Variants in PGLYRP2 observed in about 807,000 individuals in gnomAD.
The protein encoded by PGLYRP2 is peptidoglycan recognition protein 2.
In PGLYRP2, 38 loss-of-function variants were observed where a neutral mutation model predicts 46.2. The ratio of observed to expected loss-of-function variants is 0.82; its 90% CI spans 0.64 to 1.08. The LOEUF (loss-of-function observed/expected upper bound fraction) is 1.08, where lower values mean the gene tolerates loss of function less well. PGLYRP2 is among the 50% of genes least tolerant of loss of function. The pLI is 0.00. For synonymous variants in PGLYRP2, 289 were observed against 329.4 expected, an observed-to-expected ratio of 0.88 and a Z score of 1.33; for missense variants, 713 against 755.9, an observed-to-expected ratio of 0.94 and a Z score of 0.67.
intron 4 of PGLYRP2, 190 bp from the exon 5 acceptor site, chr19:15,468,942 A>T: frequency 1.8e-6 from 1 of 540,862 alleles, no homozygotes; most frequent in Non-Finnish European, 3.3e-6. Flanking sequence ...GGCAGTATGT[A>T]GGTAGCACGA....
In PGLYRP2 at chr19:15,469,399, G is replaced by A; in HGVS notation, c.1641+233C>T. On this transcript the variant is annotated intron_variant, in intron 4 of 4. Transcript: ENST00000340880. This position sits in a 1 kb window ranked among gnomAD's most constrained non-coding sequence, Gnocchi z 4.9. ...GCTGGGGAAAGGACAGGCTGGCTGG[G>A]TCTGGGGCTGAGCTGAGGCTGCATA... is the stretch of plus-strand genomic sequence containing the variant. 2 of 724,020 alleles carry A rather than the reference G, an allele frequency of 2.8e-6. No homozygotes were observed. Among genetic ancestry groups the A allele is most frequent in the South Asian group, 1.5e-5 (1 of 67,712 alleles). The allele number at this position is 724,020 out of a possible 1,614,324, so 44.8% of individuals were successfully genotyped here.
chr19:15,472,929 C>T (rs555055774), intron 2 of PGLYRP2, among the ~76,000 whole-genome samples: 6 of 152,232 alleles, frequency 3.9e-5, no homozygotes, highest in African/African-American at 1.4e-4. Context: ...TCAAATTATA[C>T]TACAATACTA....
At chr19:15,474,869 C>T (rs1197107771) in intron 2 of PGLYRP2, among the ~76,000 whole-genome samples, 1 of 151,990 alleles carries the variant, frequency 6.6e-6, no homozygotes, top group Non-Finnish European at 1.5e-5. Context: ...TGCCTGTAGT[C>T]CCAGCTACTC....
intron 3 of PGLYRP2, 91 bp from the exon 4 acceptor site, chr19:15,470,020 A>C: frequency 4.7e-6 from 6 of 1,270,930 alleles, no homozygotes; most frequent in Non-Finnish European, 6.0e-6. Context: ...TGGTGTGCCA[A>C]GGGCCACCGA....
At position 15,476,756 on chromosome 19, in the gene PGLYRP2, A is replaced by G. The variant is rs1038303029; in HGVS notation, c.62-148T>C. ...CTTGTGTAGATGAGGAAAGTGAGGT[A>G]CACAGACTATTGCCTGTTGGTTAAG... On this transcript the variant is annotated intron_variant, in intron 1 of 4. Transcript: ENST00000340880. 4 of 692,880 alleles carry G rather than the reference A, an allele frequency of 5.8e-6. No individual in the cohort carries two copies. The African/African-American group carries it at 7.4e-5, about 13-fold the overall frequency. The allele number at this position is 692,880 out of a possible 1,614,324, so 42.9% of individuals were successfully genotyped here.
chr19:15,471,103 CTTTTTTTTTTTTTTT>C (rs71176418), intron 3 of PGLYRP2, among the ~76,000 whole-genome samples: 2 of 79,426 alleles, frequency 2.5e-5, no homozygotes, highest in African/African-American at 1.2e-4. Context: ...CCATGCCCAG[CTTTTTTTTTTTTTTT>C]TTTTTTTTTT....
intron 1 of PGLYRP2, 118 bp from the exon 2 acceptor site, chr19:15,476,726 C>CAAGGA: frequency 1.2e-6 from 1 of 840,690 alleles, no homozygotes; most frequent in Non-Finnish European, 1.8e-6. Context: ...ACCCCCAACA[C>CAAGGA]TATCCTTGTG....
Position 15,469,517 on chromosome 19 carries a change from G to A in PGLYRP2, c.1641+115C>T, listed in dbSNP as rs1970722918. ...GAATAGACGTGCCGCCGGGAAGTTG[G>A]GGGCCTGGCTGAGGCTGTGCGGGCA... is the stretch of plus-strand genomic sequence containing the variant. On this transcript the variant is annotated intron_variant, in intron 4 of 4. Transcript: ENST00000340880. The surrounding 1 kb of genome is among the most constrained non-coding windows in gnomAD (Gnocchi z 4.9). 24 of 1,412,442 alleles carry A rather than the reference G, an allele frequency of 1.7e-5. No individual in the cohort carries two copies. The highest frequency in any genetic ancestry group is 2.3e-5 in the Non-Finnish European group (24 of 1,033,158). The allele number at this position is 1,412,442 out of a possible 1,614,324, so 87.5% of individuals were successfully genotyped here.
intron 3 of PGLYRP2, 90 bp from the exon 4 acceptor site, chr19:15,470,019 A>C: frequency 1.6e-6 from 2 of 1,274,370 alleles, no homozygotes; most frequent in Non-Finnish European, 2.0e-6. Context: ...TTGGTGTGCC[A>C]AGGGCCACCG....
At chr19:15,470,239 T>TTC (rs1970732467) in intron 3 of PGLYRP2, among the ~76,000 whole-genome samples, 1 of 130,556 alleles carries the variant, frequency 7.7e-6, no homozygotes, top group African/African-American at 2.8e-5. Flanking sequence ...GGGTTTTTTT[T>TTC]CTTTCCTTCC....
At chr19:15,476,684 A>G in intron 1 of PGLYRP2, 76 bp from the exon 2 acceptor site, 2 of 1,236,552 alleles carry the variant, frequency 1.6e-6, no homozygotes, top group South Asian at 1.5e-5. Context: ...CATCTACCCA[A>G]TGCTCCCAGC....
At chr19:15,470,522 G>A (rs567476661) in intron 3 of PGLYRP2, among the ~76,000 whole-genome samples, 4 of 151,606 alleles carry the variant, frequency 2.6e-5, no homozygotes, top group South Asian at 2.1e-4. Flanking sequence ...GGCCAGGCTG[G>A]TCTCGAACTC....
chr19:15,471,649 C>T (rs1015168020), intron 3 of PGLYRP2, among the ~76,000 whole-genome samples: 1 of 152,182 alleles, frequency 6.6e-6, no homozygotes, highest in Non-Finnish European at 1.5e-5. Flanking sequence ...GATCCCGCCT[C>T]CTGTACTAGT....
intron 2 of PGLYRP2, among the ~76,000 whole-genome samples, chr19:15,474,126 A>G (rs1342641998): frequency 6.6e-6 from 1 of 152,108 alleles, no homozygotes; most frequent in African/African-American, 2.4e-5. Flanking sequence ...ACCTGAGGTT[A>G]GGAGTTTGAG....
At chr19:15,473,848 G>GAAAGAAAGAAAAA (rs1302706358) in intron 2 of PGLYRP2, among the ~76,000 whole-genome samples, 1 of 148,326 alleles carries the variant, frequency 6.7e-6, no homozygotes, top group African/African-American at 2.5e-5. Context: ...GAAAAAGAAA[G>GAAAGAAAGAAAAA]AAAGAAAGAA....
chr19:15,469,533 T>C lies in PGLYRP2; in HGVS notation c.1641+99A>G. 1 of 1,482,180 alleles carries C rather than the reference T, an allele frequency of 6.7e-7. No homozygotes were observed. Among genetic ancestry groups the C allele is most frequent in the East Asian group, 2.5e-5 (1 of 40,688 alleles). The allele number at this position is 1,482,180 out of a possible 1,614,324, so 91.8% of individuals were successfully genotyped here. On this transcript the variant is annotated intron_variant, in intron 4 of 4. Transcript: ENST00000340880. The surrounding 1 kb of genome is among the most constrained non-coding windows in gnomAD (Gnocchi z 4.9). Reference sequence around the variant, plus strand: ...GGGAAGTTGGGGGCCTGGCTGAGGCTGTGCGGGCACAGCTGTTACAGGCAG... The same window carrying C: ...GGGAAGTTGGGGGCCTGGCTGAGGCCGTGCGGGCACAGCTGTTACAGGCAG...
At chr19:15,470,349 T>C (rs1970736728) in intron 3 of PGLYRP2, among the ~76,000 whole-genome samples, 1 of 150,276 alleles carries the variant, frequency 6.7e-6, no homozygotes, top group Non-Finnish European at 1.5e-5. Context: ...GAGGCTGAAG[T>C]GCAAGGGCGC....
In PGLYRP2 at chr19:15,469,716, C is replaced by T. The variant is rs759971732; in HGVS notation, c.1557G>A (p.Leu519=). The T allele has an allele frequency of 6.6e-7, 1 of 1,504,976 alleles. No homozygotes were observed. The highest frequency in any genetic ancestry group is 8.8e-7 in the Non-Finnish European group (1 of 1,132,608). 93.2% of individuals were successfully genotyped at this position (1,504,976 alleles called of 1,614,324 possible). ...RAGLLRPDYA[L]LGHRQLVRTD... ...TGCGCACCAGCTGGCGGTGGCCCAG[C>T]AGCGCGTAGTCTGGCCGCAGGAGGC... The change falls in exon 4 of 5, where the codon CTG becomes CTA. Residue 519 remains leucine (L), a synonymous_variant. Coordinates refer to ENST00000340880, the MANE Select transcript of PGLYRP2 (RefSeq NM_052890.4). This position sits in a 1 kb window ranked among gnomAD's most constrained non-coding sequence, Gnocchi z 4.9.
In PGLYRP2 at chr19:15,469,380, G is replaced by A. The variant is rs10417763; in HGVS notation, c.1641+252C>T. The A allele has an allele frequency of 0.01, 7,139 of 704,574 alleles. 387 individuals are homozygous for A. In the African/African-American group the frequency reaches 0.11, roughly 11 times the overall value. 43.6% of individuals were successfully genotyped at this position (704,574 alleles called of 1,614,324 possible). On this transcript the variant is annotated intron_variant, in intron 4 of 4. Coordinates refer to ENST00000340880, the MANE Select transcript of PGLYRP2 (RefSeq NM_052890.4). This position sits in a 1 kb window ranked among gnomAD's most constrained non-coding sequence, Gnocchi z 4.9. ...AAAGGTAGAGGTATTAGGAGCTGGGGAAAGGACAGGCTGGCTGGGTCTGGG... is the reference window on the plus strand; with the variant it reads ...AAAGGTAGAGGTATTAGGAGCTGGGAAAAGGACAGGCTGGCTGGGTCTGGG...
Sources: allele counts gnomAD v4.1 joint callset (sites outside exome capture counted in the v4.1 genomes callset), GRCh38; gene constraint gnomAD v4.1.1; non-coding constraint Gnocchi (gnomAD v3.1); transcripts MANE v1.5; gene names NCBI Gene and HGNC (gene_info 2026-07-23, HGNC 2026-07-21).